The following PPM1L variants were observed in gnomAD, a reference collection of about 807,000 sequenced individuals.
PPM1L encodes the protein protein phosphatase 1L.
A neutral mutation model predicts 31.4 loss-of-function variants in PPM1L; 13 were observed. The observed-to-expected ratio is 0.41, with a 90% CI of 0.27 to 0.66. The LOEUF is 0.66. PPM1L is among the 30% of genes least tolerant of loss of function. The pLI, the probability that PPM1L is intolerant of heterozygous loss-of-function variation, is 0.29. For synonymous variants in PPM1L, 184 were observed against 175.4 expected (o/e 1.05, Z -0.39); for missense variants, 326 against 453.7 (o/e 0.72, Z 2.56).
chr3:160,846,260 A>G (rs569764761), intron 1 of PPM1L, among the ~76,000 whole-genome samples: 14 of 152,204 alleles, frequency 9.2e-5, no homozygotes, highest in African/African-American at 2.9e-4. Context: ...TTAGGTTTGC[A>G]AACAGTTGGT....
chr3:161,018,134 T>A (rs1055779220), intron 2 of PPM1L, among the ~76,000 whole-genome samples: 1 of 152,214 alleles, frequency 6.6e-6, no homozygotes, highest in Non-Finnish European at 1.5e-5. Flanking sequence ...TGTGTATGCA[T>A]GTGTTAGCCT....
At chr3:160,842,781 T>C (rs1255252608) in intron 1 of PPM1L, among the ~76,000 whole-genome samples, 1 of 152,218 alleles carries the variant, frequency 6.6e-6, no homozygotes, top group African/African-American at 2.4e-5. Flanking sequence ...CAGATTTTGA[T>C]GTCTAGGTGC....
At chr3:161,004,794 C>A (rs1266849764) in intron 2 of PPM1L, among the ~76,000 whole-genome samples, 1 of 151,322 alleles carries the variant, frequency 6.6e-6, no homozygotes, top group Admixed American at 6.6e-5. Flanking sequence ...AAAACCAGCT[C>A]CTGGATTCAT....
At chr3:160,814,745 GTATA>G (rs369380232) in intron 1 of PPM1L, among the ~76,000 whole-genome samples, 2 of 148,654 alleles carry the variant, frequency 1.3e-5, no homozygotes, top group African/African-American at 5.0e-5. Context: ...GTATATATGT[GTATA>G]TATATATGTA....
At chr3:160,805,825 A>G (rs575927262) in intron 1 of PPM1L, among the ~76,000 whole-genome samples, 24 of 152,236 alleles carry the variant, frequency 1.6e-4, no homozygotes, top group Non-Finnish European at 3.1e-4. Context: ...CCTGTAGCCC[A>G]TAGGCAGAAT....
intron 1 of PPM1L, among the ~76,000 whole-genome samples, chr3:160,940,184 C>G (rs1158668227): frequency 6.6e-6 from 1 of 152,120 alleles, no homozygotes; most frequent in Non-Finnish European, 1.5e-5. Flanking sequence ...GGAAAGCATT[C>G]AAGAGGTGAC....
At chr3:160,786,165 G>C (rs1256185795) in intron 1 of PPM1L, among the ~76,000 whole-genome samples, 2 of 69,350 alleles carry the variant, frequency 2.9e-5, no homozygotes, top group African/African-American at 2.2e-4. Context: ...CTCTGTGTGT[G>C]TGTGTGTGTG....
intron 2 of PPM1L, among the ~76,000 whole-genome samples, chr3:161,026,697 CAA>C (rs5853919): frequency 5.8e-4 from 77 of 131,772 alleles, no homozygotes; most frequent in Non-Finnish European, 4.9e-4. Flanking sequence ...GACTCTGTCT[CAA>C]AAAAAAAAAA....
chr3:160,994,073 G>T (rs1224650706), intron 2 of PPM1L, among the ~76,000 whole-genome samples: 1 of 151,722 alleles, frequency 6.6e-6, no homozygotes, highest in Non-Finnish European at 1.5e-5. Flanking sequence ...GGTGGGGGCG[G>T]ATATTACTTC....
At chr3:160,997,399 A>G (rs1254330427) in intron 2 of PPM1L, among the ~76,000 whole-genome samples, 1 of 152,218 alleles carries the variant, frequency 6.6e-6, no homozygotes, top group African/African-American at 2.4e-5. Context: ...TATGATATCT[A>G]TCCACTGGAA....
chr3:160,756,777 G>GTGTGTGTGTGTA lies in PPM1L; in HGVS notation c.399+81_399+82insATGTGTGTGTGT, dbSNP rs1560098944. The GTGTGTGTGTGTA allele has an allele frequency of 2.8e-6, 4 of 1,417,012 alleles. No individual in the cohort carries two copies. Among genetic ancestry groups the GTGTGTGTGTGTA allele is most frequent in the Non-Finnish European group, 9.6e-7 (1 of 1,046,810 alleles). 87.8% of individuals were successfully genotyped at this position (1,417,012 alleles called of 1,614,324 possible). Reference sequence around the variant, plus strand: ...CGTGTGTGTGTGTGTGTGTGTGTGTGTGTGTGTGTGTGTATAAACAACAGG... The same window carrying GTGTGTGTGTGTA: ...CGTGTGTGTGTGTGTGTGTGTGTGTGTGTGTGTGTGTATGTGTGTGTGTGTATAAACAACAGG... On this transcript the variant is annotated intron_variant, in intron 1 of 3. Coordinates refer to ENST00000498165, the MANE Select transcript of PPM1L (RefSeq NM_139245.4). The surrounding 1 kb of genome is among the most constrained non-coding windows in gnomAD (Gnocchi z 6.2).
intron 2 of PPM1L, among the ~76,000 whole-genome samples, chr3:161,056,488 A>G (rs1336605494): frequency 6.6e-6 from 1 of 152,160 alleles, no homozygotes; most frequent in East Asian, 1.9e-4. Context: ...TGCAACATTT[A>G]AATAACATTA....
chr3:160,804,684 T>A (rs1712543266), intron 1 of PPM1L, among the ~76,000 whole-genome samples: 2 of 152,246 alleles, frequency 1.3e-5, no homozygotes, highest in Non-Finnish European at 2.9e-5. Context: ...TATAATTTCC[T>A]AATTTTGTTT....
At chr3:160,932,058 G>T (rs916233264) in intron 1 of PPM1L, among the ~76,000 whole-genome samples, 2 of 152,012 alleles carry the variant, frequency 1.3e-5, no homozygotes, top group Admixed American at 6.5e-5. Context: ...TCAAAGCAGG[G>T]ATCCAAGGGA....
intron 1 of PPM1L, among the ~76,000 whole-genome samples, chr3:160,808,840 G>C (rs1315695647): frequency 1.3e-5 from 2 of 152,146 alleles, no homozygotes; most frequent in African/African-American, 2.4e-5. Context: ...CATCTTTGTA[G>C]AGCAGCCCCT....
chr3:160,989,972 C>T lies in PPM1L; in HGVS notation c.574+28062C>T, dbSNP rs533470789. Reference sequence around the variant, plus strand: ...GAGCCAGTGCACCCAGCCATAGCAACGTTGTTTTTGTTTTGTTTTGTTTTG... The same window carrying T: ...GAGCCAGTGCACCCAGCCATAGCAATGTTGTTTTTGTTTTGTTTTGTTTTG... On this transcript the variant is annotated intron_variant, in intron 2 of 3. Transcript: ENST00000498165. 9.2e-5 allele frequency among the ~76,000 whole-genome samples: 11 copies of T among 119,218 alleles called. No homozygotes were observed. In the East Asian group the frequency reaches 9.3e-4, roughly 10 times the overall value. 78.2% of individuals were successfully genotyped at this position (119,218 alleles called of 152,430 possible).
At chr3:160,967,780 C>A (rs1453068026) in intron 2 of PPM1L, among the ~76,000 whole-genome samples, 1 of 152,070 alleles carries the variant, frequency 6.6e-6, no homozygotes, top group Non-Finnish European at 1.5e-5. Context: ...GATCCAGATT[C>A]TATTTCTAGT....
intron 1 of PPM1L, among the ~76,000 whole-genome samples, chr3:160,772,112 G>A (rs1471118452): frequency 6.6e-6 from 1 of 152,090 alleles, no homozygotes; most frequent in East Asian, 1.9e-4. Context: ...TAACATGTAG[G>A]GGGACCTGAG....
intron 1 of PPM1L, among the ~76,000 whole-genome samples, chr3:160,944,608 G>A (rs1715262042): frequency 6.8e-6 from 1 of 147,326 alleles, no homozygotes; most frequent in Non-Finnish European, 1.5e-5. Flanking sequence ...TCAAGGTGAG[G>A]ACGATGATGT....
Sources: gnomAD v4.1 joint callset for allele counts (sites outside exome capture counted in the v4.1 genomes callset) on GRCh38, gnomAD v4.1.1 for gene constraint, Gnocchi (gnomAD v3.1) non-coding constraint, MANE v1.5 for transcripts, NCBI Gene and HGNC (gene_info 2026-07-23, HGNC 2026-07-21) for gene names.